Variants in MYO15A observed in about 807,000 individuals in gnomAD.
The protein encoded by MYO15A is unconventional myosin-XV.
MYO15A carries 308 observed loss-of-function variants against 394.6 expected under a neutral mutation model. The ratio of observed to expected loss-of-function variants is 0.78; its 90% CI spans 0.71 to 0.86. The LOEUF (loss-of-function observed/expected upper bound fraction) is 0.86, where lower values mean the gene tolerates loss of function less well. Among genes scored for constraint, MYO15A ranks in the 40% least tolerant of loss-of-function variants. The pLI is 0.00. For synonymous variants in MYO15A, 1,957 were observed against 2,003.8 expected (o/e 0.98, Z 0.62); for missense variants, 4,606 against 4,799.1 (o/e 0.96, Z 1.19).
intron 4 of MYO15A, 33 bp from the exon 5 acceptor site, chr17:18,126,314 G>C: frequency 6.3e-7 from 1 of 1,579,038 alleles, no homozygotes; most frequent in Non-Finnish European, 8.7e-7. Flanking sequence ...TCTGCAAGGA[G>C]CCACGACGCT....
chr17:18,159,174 C>T (rs746010159), intron 53 of MYO15A, 101 bp from the exon 54 acceptor site: 117 of 1,460,270 alleles, frequency 8.0e-5, no homozygotes, highest in Admixed American at 1.6e-4. Context: ...CCTTTTGTGA[C>T]GTGGACCCTC....
At chr17:18,161,579 A>T in intron 57 of MYO15A, 132 bp downstream of exon 57, 1 of 1,348,706 alleles carries the variant, frequency 7.4e-7, no homozygotes, top group Non-Finnish European at 1.0e-6. Flanking sequence ...CAATATTAAT[A>T]TACTCCCCAA....
In MYO15A at chr17:18,156,409, A is replaced by G. The variant is rs1020293223; in HGVS notation, c.8601+73A>G. ...CAACAGGGATCTCCCTGTTCCAGGG[A>G]AATATGACTGTGTCCATAGATTTCT... is the stretch of plus-strand genomic sequence containing the variant. On this transcript the variant is annotated intron_variant, in intron 48 of 65. Coordinates refer to ENST00000647165, the MANE Select transcript of MYO15A (RefSeq NM_016239.4). 5.9e-6 allele frequency: 9 copies of G among 1,521,586 alleles called. No homozygotes were observed. In the African/African-American group the frequency reaches 9.6e-5, roughly 16 times the overall value. The allele number at this position is 1,521,586 out of a possible 1,614,324, so 94.3% of individuals were successfully genotyped here.
rs774380947 is a variant in MYO15A, at chr17:18,119,730, C to T, written c.930C>T (p.Asp310=). 1.4e-5 allele frequency: 22 copies of T among 1,612,362 alleles called. No homozygotes were observed. Among genetic ancestry groups the T allele is most frequent in the Non-Finnish European group, 1.7e-5 (20 of 1,180,000 alleles). The change falls in exon 2 of 66, where the codon GAC becomes GAT. Residue 310 remains aspartate (D), a synonymous_variant. Coordinates refer to ENST00000647165, the MANE Select transcript of MYO15A (RefSeq NM_016239.4). Reference sequence around the variant, plus strand: ...GGTACACCTACGGCTACGGCTACGACGATTACGAACCCCCATATGCGCCCC... The same window carrying T: ...GGTACACCTACGGCTACGGCTACGATGATTACGAACCCCCATATGCGCCCC... ...DPGYTYGYGY[D]DYEPPYAPPS...
chr17:18,120,734 C>T lies in MYO15A; in HGVS notation c.1934C>T (p.Pro645Leu), dbSNP rs904748871. ...AGCAGCAACGACGCGCGCCGCCCGC[C>T]CGCGCCACAGCCCGCGCCCAGGACC... is the stretch of plus-strand genomic sequence containing the variant. The part of the protein sequence containing the change: ...ARSSNDARRP[P>L]APQPAPRTLS... The change falls in exon 2 of 66, where the codon CCC becomes CTC. Residue 645 changes from proline to leucine, a missense_variant. Around this residue, in one of 2 missense-constraint regions of MYO15A, gnomAD observed 1,830 missense variants for 1,689.7 expected, o/e 1.08. Transcript: ENST00000647165. 60 of 1,473,934 alleles carry T rather than the reference C, an allele frequency of 4.1e-5. No individual in the cohort carries two copies. Among genetic ancestry groups the T allele is most frequent in the Non-Finnish European group, 4.6e-5 (52 of 1,122,870 alleles). 91.3% of individuals were successfully genotyped at this position (1,473,934 alleles called of 1,614,324 possible).
Position 18,124,482 on chromosome 17 carries a change from G to A in MYO15A, c.3610-1G>A, listed in dbSNP as rs757965726. 1.2e-6 allele frequency: 2 copies of A among 1,611,326 alleles called. No individual in the cohort carries two copies. Among genetic ancestry groups the A allele is most frequent in the Non-Finnish European group, 1.7e-6 (2 of 1,179,954 alleles). On this transcript the variant is annotated splice_acceptor_variant, in intron 2 of 65. Transcript: ENST00000647165. LOFTEE classifies it high-confidence loss of function. ...AGACACAGCCTCTCTCTCTCACACAGATGCACTCCATCCGCAACCTGCCAT... is the reference window on the plus strand; with the variant it reads ...AGACACAGCCTCTCTCTCTCACACAAATGCACTCCATCCGCAACCTGCCAT...
chr17:18,163,179 G>A, intron 58 of MYO15A, 65 bp from the exon 59 acceptor site: 1 of 1,544,982 alleles, frequency 6.5e-7, no homozygotes. Context: ...CCCAGGGCAG[G>A]AGACAAGGGC....
At chr17:18,118,471 G>C in intron 1 of MYO15A, 111 bp from the exon 2 acceptor site, 1 of 397,444 alleles carries the variant, frequency 2.5e-6, no homozygotes, top group Non-Finnish European at 4.7e-6. Flanking sequence ...GATGAGCACT[G>C]ATGTTGCCAT....
chr17:18,172,735 C>A, intron 64 of MYO15A: 1 of 306,852 alleles, frequency 3.3e-6, no homozygotes, highest in South Asian at 3.0e-5. Flanking sequence ...GTGCGCACAA[C>A]CCTGGTATCT....
In MYO15A at chr17:18,159,587, G is replaced by T; in HGVS notation, c.9230-19G>T. 6.2e-7 allele frequency: 1 copy of T among 1,613,226 alleles called. No individual in the cohort carries two copies. Among genetic ancestry groups the T allele is most frequent in the Non-Finnish European group, 8.5e-7 (1 of 1,179,902 alleles). On this transcript the variant is annotated intron_variant, in intron 54 of 65. Coordinates refer to ENST00000647165, the MANE Select transcript of MYO15A (RefSeq NM_016239.4). Reference sequence around the variant, plus strand: ...ACTGGGGGTTTGGTGGGTCTGAGTGGGATAGGTCTTTCCTACAGCTGTAAT... The same window carrying T: ...ACTGGGGGTTTGGTGGGTCTGAGTGTGATAGGTCTTTCCTACAGCTGTAAT...
At chr17:18,174,790 C>T (rs916037367) in intron 65 of MYO15A, among the ~76,000 whole-genome samples, 14 of 152,206 alleles carry the variant, frequency 9.2e-5, no homozygotes, top group African/African-American at 3.4e-4. Flanking sequence ...GTAACATCCC[C>T]CCTCCAGGTC....
chr17:18,135,565 T>C, intron 12 of MYO15A, 146 bp from the exon 13 acceptor site: 1 of 695,934 alleles, frequency 1.4e-6, no homozygotes, highest in Non-Finnish European at 2.5e-6. Context: ...GGTCTCGAAC[T>C]CCTGGCCTCA....
Position 18,118,767 on chromosome 17 carries a change from C to G in MYO15A, c.-34C>G, listed in dbSNP as rs374326586. ...CTCCAAGTCCCTGAGCCCGTGACAC[C>G]GGCCCCAGGCCCTGTAGAGAGCAGG... On this transcript the variant is annotated 5_prime_UTR_variant, in exon 2 of 66. Transcript: ENST00000647165. 6.2e-7 allele frequency: 1 copy of G among 1,607,166 alleles called. No homozygotes were observed. The highest frequency in any genetic ancestry group is 8.5e-7 in the Non-Finnish European group (1 of 1,177,462).
chr17:18,150,908 G>T lies in MYO15A; in HGVS notation c.7468G>T (p.Ala2490Ser), dbSNP rs16960959. ...GAGTGCTGCCCTGAGATCCTTGCCC[G>T]CAGAGGTGAGCCTGGCCTGCCCAGG... ...PLSAALRSLP[A>S]EKPPAPEAQP... is the part of the protein sequence containing the mutation. The change falls in exon 38 of 66, where the codon GCA (alanine) becomes TCA (serine). Residue 2490 changes from alanine (A) to serine (S), a missense_variant. Around this residue, in one of 2 missense-constraint regions of MYO15A, gnomAD observed 2,776 missense variants for 3,109.3 expected, o/e 0.89. Coordinates refer to ENST00000647165, the MANE Select transcript of MYO15A (RefSeq NM_016239.4). This position sits in a 1 kb window ranked among gnomAD's most constrained non-coding sequence, Gnocchi z 4.4. The T allele has an allele frequency of 1.2e-5, 19 of 1,601,098 alleles. No homozygotes were observed. The highest frequency in any genetic ancestry group is 1.5e-5 in the Non-Finnish European group (18 of 1,174,218).
At chr17:18,161,897 G>T (rs1194885587) in intron 57 of MYO15A, among the ~76,000 whole-genome samples, 8 of 100,298 alleles carry the variant, frequency 8.0e-5, no homozygotes, top group Non-Finnish European at 2.3e-5. Context: ...TATGGAGAAA[G>T]GGGGGGCCAC....
At chr17:18,161,681 C>T (rs1031611453) in intron 57 of MYO15A, among the ~76,000 whole-genome samples, 2 of 152,132 alleles carry the variant, frequency 1.3e-5, no homozygotes, top group Non-Finnish European at 2.9e-5. Context: ...GGAAGTATTG[C>T]CCTGGGTAGG....
Position 18,161,451 on chromosome 17 carries a change from AGAG to A in MYO15A, c.9517+6_9517+8del. On this transcript the variant is annotated splice_donor_5th_base_variant and intron_variant, in intron 57 of 65. Transcript: ENST00000647165. ...ACCCCAGGCCTGCCCTTTCAGGGTG[AGAG>A]GTCAATGAGTGGGAACCCAGGGCTG... 6.2e-7 allele frequency: 1 copy of A among 1,613,518 alleles called. No individual in the cohort carries two copies. Among genetic ancestry groups the A allele is most frequent in the Non-Finnish European group, 8.5e-7 (1 of 1,180,020 alleles).
At chr17:18,158,701 A>G in intron 52 of MYO15A, 63 bp downstream of exon 52, 1 of 1,572,602 alleles carries the variant, frequency 6.4e-7, no homozygotes, top group Admixed American at 1.7e-5. Flanking sequence ...GCTGCCATCC[A>G]AACTGCAGGC....
At position 18,153,764 on chromosome 17, in the gene MYO15A, G is replaced by A; in HGVS notation, c.7967-11G>A. On this transcript the variant is annotated splice_polypyrimidine_tract_variant and intron_variant, in intron 42 of 65. Transcript: ENST00000647165. This position sits in a 1 kb window ranked among gnomAD's most constrained non-coding sequence, Gnocchi z 4.1. ...GCCTTCTCCTGACTCCCTGATCCCC[G>A]CGCTCTCCAGCTCTGCCCTCGCGAT... The A allele has an allele frequency of 6.2e-7, 1 of 1,613,090 alleles. No homozygotes were observed. Among genetic ancestry groups the A allele is most frequent in the Non-Finnish European group, 8.5e-7 (1 of 1,179,842 alleles).
Sources: gnomAD v4.1 joint callset for allele counts (sites outside exome capture counted in the v4.1 genomes callset) on GRCh38, gnomAD v4.1.1 for gene constraint, gnomAD v4.1.1 regional missense constraint, Gnocchi (gnomAD v3.1) non-coding constraint, MANE v1.5 for transcripts, NCBI Gene and HGNC (gene_info 2026-07-23, HGNC 2026-07-21) for gene names.